The following UNC5D variants were observed in gnomAD, a reference collection of about 807,000 sequenced individuals.
UNC5D encodes the protein netrin receptor UNC5D.
Under a neutral mutation model 105.4 loss-of-function variants are expected in UNC5D, and 39 were observed. That is an observed-to-expected ratio of 0.37 (90% CI 0.29 to 0.48). The LOEUF (loss-of-function observed/expected upper bound fraction) is 0.48, where lower values mean the gene tolerates loss of function less well. Among genes scored for constraint, UNC5D ranks in the 20% least tolerant of loss-of-function variants. The pLI, the probability that UNC5D is intolerant of heterozygous loss-of-function variation, is 0.98. For missense variants in UNC5D, 991 were observed against 1,202.4 expected, an observed-to-expected ratio of 0.82 and a Z score of 2.60; for synonymous variants, 452 against 450.4, an observed-to-expected ratio of 1.00 and a Z score of -0.04.
intron 1 of UNC5D, among the ~76,000 whole-genome samples, chr8:35,410,701 G>GA (rs1292972119): frequency 2.0e-5 from 3 of 152,050 alleles, no homozygotes; most frequent in African/African-American, 4.8e-5. Flanking sequence ...AGAGATATTT[G>GA]AAAGTCTCAT....
intron 1 of UNC5D, among the ~76,000 whole-genome samples, chr8:35,388,122 C>T (rs1803542434): frequency 6.6e-6 from 1 of 151,736 alleles, no homozygotes; most frequent in Non-Finnish European, 1.5e-5. Context: ...GCCTGTAATC[C>T]CAGCACTTTG....
At chr8:35,445,199 G>C (rs766878024) in intron 1 of UNC5D, among the ~76,000 whole-genome samples, 1 of 151,882 alleles carries the variant, frequency 6.6e-6, no homozygotes, top group Non-Finnish European at 1.5e-5. Flanking sequence ...TATTTAACTG[G>C]CCTCTCCCTC....
intron 3 of UNC5D, among the ~76,000 whole-genome samples, chr8:35,576,366 G>T (rs1167779143): frequency 6.6e-6 from 1 of 152,190 alleles, no homozygotes. Flanking sequence ...GTTGAATTGG[G>T]ACAGGATTAT....
chr8:35,241,094 T>G (rs1291724197), intron 1 of UNC5D, among the ~76,000 whole-genome samples: 2 of 152,208 alleles, frequency 1.3e-5, no homozygotes, highest in Non-Finnish European at 2.9e-5. Context: ...TGAGAATAGA[T>G]TGTTAACACC....
chr8:35,274,812 A>C (rs1805658450), intron 1 of UNC5D, among the ~76,000 whole-genome samples: 2 of 152,220 alleles, frequency 1.3e-5, no homozygotes, highest in South Asian at 2.1e-4. Context: ...AAAATATTTA[A>C]AAATTTTATC....
Position 35,431,891 on chromosome 8 carries a change from A to G in UNC5D, c.104-117401A>G, listed in dbSNP as rs528499003. 2.6e-5 allele frequency among the ~76,000 whole-genome samples: 4 copies of G among 152,320 alleles called. 1 individual carries two copies. Among genetic ancestry groups the G allele is most frequent in the African/African-American group, 9.6e-5 (4 of 41,590 alleles). ...AATAGTAATAATAAATTATTCTTGA[A>G]ATAAAGCAGAATGAGCCATTTGTTA... On this transcript the variant is annotated intron_variant, in intron 1 of 16. Coordinates refer to ENST00000404895, the MANE Select transcript of UNC5D (RefSeq NM_080872.4).
intron 4 of UNC5D, among the ~76,000 whole-genome samples, chr8:35,602,430 G>A (rs1011438998): frequency 1.1e-4 from 16 of 152,080 alleles, no homozygotes; most frequent in Non-Finnish European, 1.5e-4. Flanking sequence ...ATCTGGTCCT[G>A]GACTTTTTTT....
intron 1 of UNC5D, among the ~76,000 whole-genome samples, chr8:35,529,778 T>C (rs1258733577): frequency 1.9e-4 from 26 of 134,978 alleles, no homozygotes; most frequent in African/African-American, 7.3e-4. Context: ...CCTTGTAAGT[T>C]GGATTCCTAG....
chr8:35,558,190 G>C (rs1223161223), intron 2 of UNC5D, among the ~76,000 whole-genome samples: 1 of 148,986 alleles, frequency 6.7e-6, no homozygotes, highest in East Asian at 2.0e-4. Flanking sequence ...TAGGTATCTT[G>C]ATGTTTTGCT....
intron 3 of UNC5D, among the ~76,000 whole-genome samples, chr8:35,574,028 A>G (rs1817930292): frequency 6.6e-6 from 1 of 152,344 alleles, no homozygotes; most frequent in East Asian, 1.9e-4. Context: ...ATAGAGCCAG[A>G]GATAGACGGG....
intron 1 of UNC5D, among the ~76,000 whole-genome samples, chr8:35,361,955 G>A (rs1016628519): frequency 2.6e-5 from 4 of 152,028 alleles, no homozygotes; most frequent in Non-Finnish European, 5.9e-5. Flanking sequence ...TTATTTGTCG[G>A]TGGCATCTTC....
chr8:35,297,220 C>A (rs941010857), intron 1 of UNC5D, among the ~76,000 whole-genome samples: 4 of 152,124 alleles, frequency 2.6e-5, no homozygotes, highest in Middle Eastern at 3.2e-3. Context: ...CTCTCACTTT[C>A]CTTTTCTGCT....
chr8:35,260,559 G>T (rs1804418356), intron 1 of UNC5D, among the ~76,000 whole-genome samples: 1 of 152,054 alleles, frequency 6.6e-6, no homozygotes, highest in Non-Finnish European at 1.5e-5. Flanking sequence ...AAACCTCTGG[G>T]TTCAAGCGAT....
chr8:35,596,953 A>C (rs1361547947), intron 4 of UNC5D, among the ~76,000 whole-genome samples: 1 of 152,146 alleles, frequency 6.6e-6, no homozygotes, highest in Non-Finnish European at 1.5e-5. Flanking sequence ...GTTCAGCAGC[A>C]CATGGTCCAG....
chr8:35,748,643 C>G lies in UNC5D; in HGVS notation c.1883C>G (p.Ser628Cys), dbSNP rs767942725. 1 of 1,613,950 alleles carries G rather than the reference C, an allele frequency of 6.2e-7. No homozygotes were observed. Among genetic ancestry groups the G allele is most frequent in the Non-Finnish European group, 8.5e-7 (1 of 1,179,938 alleles). Residue 628 changes from serine (S) to cysteine (C), a missense_variant, in exon 12 of 17, where the codon TCT (serine) becomes TGT (cysteine). This residue lies in a region of UNC5D where 944 missense variants were observed against 1,131.6 expected (regional missense o/e 0.83). Coordinates refer to ENST00000404895, the MANE Select transcript of UNC5D (RefSeq NM_080872.4). ...LTIPHCADVS[S>C]EHWNIHLKKR... ...ATCCCGCACTGTGCAGATGTCAGTTCTGAGCATTGGAATATCCATTTAAAG... is the reference window on the plus strand; with the variant it reads ...ATCCCGCACTGTGCAGATGTCAGTTGTGAGCATTGGAATATCCATTTAAAG...
intron 1 of UNC5D, among the ~76,000 whole-genome samples, chr8:35,244,379 G>A (rs1244794599): frequency 6.6e-6 from 1 of 152,114 alleles, no homozygotes; most frequent in African/African-American, 2.4e-5. Flanking sequence ...CCATTTGACA[G>A]GGATGTGGAT....
chr8:35,392,978 T>C (rs968998952), intron 1 of UNC5D, among the ~76,000 whole-genome samples: 2 of 151,586 alleles, frequency 1.3e-5, no homozygotes, highest in Admixed American at 6.6e-5. Context: ...CATTCATATA[T>C]TTTGTTCTTT....
chr8:35,587,418 C>G (rs1286143024), intron 3 of UNC5D, among the ~76,000 whole-genome samples: 1 of 152,158 alleles, frequency 6.6e-6, no homozygotes, highest in Non-Finnish European at 1.5e-5. Flanking sequence ...CTGCCAGAGA[C>G]TTCGTTGCAT....
chr8:35,715,945 A>G (rs1490565954), intron 8 of UNC5D, among the ~76,000 whole-genome samples: 1 of 152,206 alleles, frequency 6.6e-6, no homozygotes, highest in African/African-American at 2.4e-5. Flanking sequence ...AGTTCAGAGC[A>G]GCTGTTGTGA....
Sources: allele counts gnomAD v4.1 joint callset (sites outside exome capture counted in the v4.1 genomes callset), GRCh38; gene constraint gnomAD v4.1.1; regional missense constraint gnomAD v4.1.1; transcripts MANE v1.5; gene names NCBI Gene and HGNC (gene_info 2026-07-23, HGNC 2026-07-21).